Variants in COA1 observed in about 807,000 individuals in gnomAD.
The protein encoded by COA1 is cytochrome c oxidase assembly factor 1.
In COA1, 13 loss-of-function variants were observed where a neutral mutation model predicts 16.0. The ratio of observed to expected loss-of-function variants is 0.81; its 90% CI spans 0.53 to 1.29. The LOEUF is 1.29. COA1 is among the 50% of genes most tolerant of loss of function. The pLI, the probability that COA1 is intolerant of heterozygous loss-of-function variation, is 0.00. For missense variants in COA1, 179 were observed against 177.0 expected, an observed-to-expected ratio of 1.01 and a Z score of -0.06; for synonymous variants, 65 against 65.7, an observed-to-expected ratio of 0.99 and a Z score of 0.05.
At chr7:43,610,590 C>T (rs1167320353) in intron 6 of COA1, among the ~76,000 whole-genome samples, 1 of 151,952 alleles carries the variant, frequency 6.6e-6, no homozygotes. Context: ...TCGCTTGAAT[C>T]CGGGAGGTGG....
At chr7:43,670,458 A>C (rs1228594289) in intron 1 of COA1, among the ~76,000 whole-genome samples, 1 of 152,162 alleles carries the variant, frequency 6.6e-6, no homozygotes, top group South Asian at 2.1e-4. Context: ...GTCTAAAAAA[A>C]AAAAAATTTT....
chr7:43,688,626 T>C (rs995472584), intron 1 of COA1, among the ~76,000 whole-genome samples: 1 of 151,876 alleles, frequency 6.6e-6, no homozygotes, highest in Non-Finnish European at 1.5e-5. Context: ...AAAGTGAATG[T>C]ATCCTCATAA....
intron 1 of COA1, among the ~76,000 whole-genome samples, chr7:43,689,754 G>C (rs890963504): frequency 6.6e-6 from 1 of 152,202 alleles, no homozygotes; most frequent in African/African-American, 2.4e-5. Context: ...GGGACAGGGG[G>C]TTAGAATGGA....
chr7:43,625,223 A>ATT (rs1424992612), intron 6 of COA1: 1 of 160,282 alleles, frequency 6.2e-6, no homozygotes, highest in Admixed American at 6.3e-5. Context: ...ATGTGTATCT[A>ATT]TATCTGCATA....
chr7:43,684,308 C>T (rs182453217), intron 1 of COA1, among the ~76,000 whole-genome samples: 2 of 152,272 alleles, frequency 1.3e-5, no homozygotes, highest in Admixed American at 6.5e-5. Flanking sequence ...GCAGAGCTCA[C>T]CTCCTGCTGT....
chr7:43,660,747 T>G (rs10281917), intron 1 of COA1, among the ~76,000 whole-genome samples: 22,159 of 152,158 alleles, frequency 0.15, 2,179 homozygotes, highest in Non-Finnish European at 0.21. Context: ...ATCCTCCAAA[T>G]GCCCTAATTT....
intron 1 of COA1, among the ~76,000 whole-genome samples, chr7:43,679,264 CAAAAAAAAAAAA>C (rs10618048): frequency 3.6e-5 from 3 of 84,122 alleles, no homozygotes; most frequent in African/African-American, 1.4e-4. Flanking sequence ...AACTCCATTG[CAAAAAAAAAAAA>C]AAAAAAAAAA....
intron 2 of COA1, chr7:43,648,340 C>A (rs2090003379): frequency 1.8e-6 from 1 of 570,454 alleles, no homozygotes; most frequent in Non-Finnish European, 3.1e-6. Context: ...GAGAGCTCAA[C>A]AGGGTGAGGC....
At chr7:43,652,191 G>A (rs2090957512) in intron 1 of COA1, among the ~76,000 whole-genome samples, 1 of 152,154 alleles carries the variant, frequency 6.6e-6, no homozygotes. Flanking sequence ...CAGGAGCAGG[G>A]CCAAAAGCCT....
At chr7:43,662,008 C>A (rs1019930679) in intron 1 of COA1, among the ~76,000 whole-genome samples, 13 of 152,170 alleles carry the variant, frequency 8.5e-5, no homozygotes, top group African/African-American at 2.9e-4. Flanking sequence ...CAAAATCATG[C>A]AAGAGAAATT....
At chr7:43,632,280 G>GT (rs2153041038) in intron 6 of COA1, 2 of 153,788 alleles carry the variant, frequency 1.3e-5, no homozygotes, top group East Asian at 3.8e-4. Context: ...TGATCCTGAG[G>GT]TTACAGCAAT....
At chr7:43,643,904 C>A (rs1022557281) in intron 4 of COA1, among the ~76,000 whole-genome samples, 1 of 152,168 alleles carries the variant, frequency 6.6e-6, no homozygotes, top group African/African-American at 2.4e-5. Flanking sequence ...TAAGAACATA[C>A]TAAAAATAAC....
rs1365646893 is a variant in COA1, at chr7:43,706,942, G to A, written c.-39+22487C>T. Among the ~76,000 whole-genome samples, 4 of 152,164 alleles carry A rather than the reference G, an allele frequency of 2.6e-5. No individual in the cohort carries two copies. In the East Asian group the frequency reaches 5.8e-4, roughly 22 times the overall value. On this transcript the variant is annotated intron_variant, in intron 1 of 5. Coordinates refer to ENST00000223336, the MANE Select transcript of COA1 (RefSeq NM_018224.4). ...TCCCAGCACTTTGGGAGGCTGAGGT[G>A]GGCAGATCACTTGAGATCAGGAGTT...
chr7:43,611,953 A>G (rs945589801), intron 6 of COA1, among the ~76,000 whole-genome samples: 3 of 152,218 alleles, frequency 2.0e-5, no homozygotes, highest in African/African-American at 7.2e-5. Flanking sequence ...ACCATGTGTC[A>G]TGGATCTTTG....
chr7:43,717,291 C>A (rs1005655493), intron 1 of COA1, among the ~76,000 whole-genome samples: 1 of 152,170 alleles, frequency 6.6e-6, no homozygotes, highest in African/African-American at 2.4e-5. Flanking sequence ...AGGCTATGCC[C>A]TGCAAAGCCA....
At chr7:43,616,379 AT>A (rs1389520164) in intron 6 of COA1, among the ~76,000 whole-genome samples, 2 of 152,072 alleles carry the variant, frequency 1.3e-5, no homozygotes, top group Non-Finnish European at 2.9e-5. Context: ...CACCCTGTTA[AT>A]TTTTTTATAG....
intron 1 of COA1, among the ~76,000 whole-genome samples, chr7:43,686,924 T>C (rs934138255): frequency 6.6e-6 from 1 of 152,202 alleles, no homozygotes; most frequent in African/African-American, 2.4e-5. Flanking sequence ...ATGACTATTA[T>C]ATCAAAGGAA....
intron 1 of COA1, among the ~76,000 whole-genome samples, chr7:43,714,984 G>A (rs2095353454): frequency 7.4e-6 from 1 of 134,572 alleles, no homozygotes; most frequent in Admixed American, 8.0e-5. Context: ...TCCAGCCTGG[G>A]CAAAAGAGTG....
At chr7:43,686,284 CTATGTGTTCTGGCT>C (rs2094017219) in intron 1 of COA1, among the ~76,000 whole-genome samples, 1 of 49,344 alleles carries the variant, frequency 2.0e-5, no homozygotes, top group Admixed American at 1.8e-4. Context: ...TGTGTTCTGG[CTATGTGTTCTGGCT>C]TTGTTTCTTT....
Sources: gnomAD v4.1 joint callset for allele counts (sites outside exome capture counted in the v4.1 genomes callset) on GRCh38, gnomAD v4.1.1 for gene constraint, MANE v1.5 for transcripts, NCBI Gene and HGNC (gene_info 2026-07-23, HGNC 2026-07-21) for gene names.